Variants in BYSL observed in about 807,000 individuals in gnomAD.
The protein encoded by BYSL is bystin.
In BYSL, 21 loss-of-function variants were observed where a neutral mutation model predicts 45.4. The ratio of observed to expected loss-of-function variants is 0.46; its 90% CI spans 0.33 to 0.67. The LOEUF (loss-of-function observed/expected upper bound fraction) is 0.67. Ranked by LOEUF, BYSL falls within the 30% of genes least tolerant of loss-of-function variation. BYSL has a pLI of 0.02. For missense variants in BYSL, 522 were observed against 578.5 expected (o/e 0.90, Z 1.00); for synonymous variants, 215 against 231.3 (o/e 0.93, Z 0.64).
chr6:41,908,894 G>C, the BYSL span: 1 of 282,954 alleles, frequency 3.5e-6, no homozygotes, highest in Non-Finnish European at 6.6e-6. Context: ...TTAAATTGAG[G>C]ACTGGAGGCC....
intron 2 of BYSL, among the ~76,000 whole-genome samples, chr6:41,928,629 A>G (rs1201891775): frequency 1.3e-5 from 2 of 152,218 alleles, no homozygotes; most frequent in Non-Finnish European, 2.9e-5. Context: ...GTCGTAAGAA[A>G]TGATAGCTGG....
At chr6:41,924,175 C>T (rs968460935) in intron 1 of BYSL, among the ~76,000 whole-genome samples, 2 of 151,956 alleles carry the variant, frequency 1.3e-5, no homozygotes, top group Non-Finnish European at 2.9e-5. Flanking sequence ...ATTCTCCTGC[C>T]TCAGCCTCCC....
In BYSL at chr6:41,927,502, A is replaced by G; in HGVS notation, c.397A>G (p.Ile133Val). The G allele has an allele frequency of 5.6e-6, 9 of 1,614,108 alleles. No homozygotes were observed. The highest frequency in any genetic ancestry group is 2.2e-5 in the East Asian group (1 of 44,884). Reference protein sequence around the residue: ...VVVDPEDERAIEMFMNKNPPA... With the variant: ...VVVDPEDERAVEMFMNKNPPA... Reference sequence around the variant, plus strand: ...TGTGGACCCTGAGGATGAGCGTGCCATAGAGATGTTCATGAACAAGAACCC... The same window carrying G: ...TGTGGACCCTGAGGATGAGCGTGCCGTAGAGATGTTCATGAACAAGAACCC... The change falls in exon 2 of 7, where the codon ATA (isoleucine) becomes GTA (valine). Residue 133 changes from isoleucine (I) to valine (V), a missense_variant. Coordinates refer to ENST00000230340, the MANE Select transcript of BYSL (RefSeq NM_004053.4).
At chr6:41,909,551 T>G in the BYSL span, 10 of 1,606,524 alleles carry the variant, frequency 6.2e-6, no homozygotes, top group Non-Finnish European at 8.5e-6. Context: ...CTATTCATCA[T>G]CAAGACTTTC....
chr6:41,916,766 A>G (rs201541518), upstream of BYSL: 1 of 1,613,808 alleles, frequency 6.2e-7, no homozygotes, highest in Non-Finnish European at 8.5e-7. Flanking sequence ...CAGCCATCCT[A>G]CAGACCCATC....
chr6:41,915,592 C>T, the BYSL span, among the ~76,000 whole-genome samples: 1 of 152,176 alleles, frequency 6.6e-6, no homozygotes, highest in Non-Finnish European at 1.5e-5. Context: ...TCAAGACCAT[C>T]CTGGCTAACA....
upstream of BYSL, among the ~76,000 whole-genome samples, chr6:41,916,500 A>C (rs969488148): frequency 3.3e-5 from 5 of 151,952 alleles, no homozygotes; most frequent in African/African-American, 4.8e-5. Flanking sequence ...GAATCACTTG[A>C]ACCTGGGAGG....
rs562180008 is a variant in BYSL at position 41,931,239 on chromosome 6, G to A, written c.705-157G>A. The stretch of plus-strand genomic sequence containing the variant: ...TCCTATTCTCTCTCTAAGCTGATGG[G>A]TGTTGCATGCACACAGCTCCCACAC... On this transcript the variant is annotated intron_variant, in intron 4 of 6. Coordinates refer to ENST00000230340, the MANE Select transcript of BYSL (RefSeq NM_004053.4). Among the ~76,000 whole-genome samples the A allele has an allele frequency of 2.0e-5, 3 of 151,778 alleles. No homozygotes were observed. In the South Asian group the frequency reaches 6.2e-4, roughly 32 times the overall value.
At chr6:41,922,246 T>C (rs1042310759) in intron 1 of BYSL, among the ~76,000 whole-genome samples, 32 of 152,332 alleles carry the variant, frequency 2.1e-4, no homozygotes, top group African/African-American at 7.7e-4. Context: ...GAATAATATA[T>C]TTCCATGATA....
chr6:41,927,343 G>C, intron 1 of BYSL, 31 bp from the exon 2 acceptor site: 2 of 1,611,472 alleles, frequency 1.2e-6, no homozygotes, highest in Non-Finnish European at 1.7e-6. Context: ...ACCTTTTGCT[G>C]TGCTCATCCA....
intron 1 of BYSL, among the ~76,000 whole-genome samples, chr6:41,924,719 G>A (rs56215622): frequency 0.19 from 28,259 of 152,102 alleles, 3,206 homozygotes; most frequent in East Asian, 0.29. Flanking sequence ...TAAGGACAGG[G>A]CTGATCAAAT....
chr6:41,917,826 T>C (rs1775354882), upstream of BYSL: 1 of 469,608 alleles, frequency 2.1e-6, no homozygotes, highest in Non-Finnish European at 4.4e-6. Flanking sequence ...TTCAGCACAG[T>C]AGCCCAGAGC....
At chr6:41,930,090 C>A (rs1263199885) in intron 2 of BYSL, 42 bp from the exon 3 acceptor site, 1 of 1,611,796 alleles carries the variant, frequency 6.2e-7, no homozygotes, top group South Asian at 1.1e-5. Context: ...CACAGTGCTC[C>A]TTGCCCCCTC....
chr6:41,931,326 G>T, intron 4 of BYSL, 70 bp from the exon 5 acceptor site: 1 of 1,555,170 alleles, frequency 6.4e-7, no homozygotes, highest in South Asian at 1.1e-5. Flanking sequence ...CACTATCCAT[G>T]GTGATATTTA....
In BYSL at chr6:41,931,744, G is replaced by A. The variant is rs369562083; in HGVS notation, c.882G>A (p.Leu294=). The A allele has an allele frequency of 6.2e-7, 1 of 1,614,122 alleles. No individual in the cohort carries two copies. The highest frequency in any genetic ancestry group is 8.5e-7 in the Non-Finnish European group (1 of 1,180,010). ...GAWFKGILIP[L]CESGTCTLRE... ...TCTCCCTAGGGATCCTGATTCCACT[G>A]TGCGAGTCTGGCACTTGTACCCTCC... is the stretch of plus-strand genomic sequence containing the variant. Residue 294 remains leucine (L), a synonymous_variant, in exon 6 of 7, where the codon CTG becomes CTA. Transcript: ENST00000230340.
At chr6:41,930,352 T>C in intron 3 of BYSL, 82 bp downstream of exon 3, 1 of 1,527,524 alleles carries the variant, frequency 6.5e-7, no homozygotes, top group Non-Finnish European at 8.8e-7. Context: ...GCCTTTTGCC[T>C]GCATCACATA....
chr6:41,932,673 C>T lies in BYSL; in HGVS notation c.1281C>T (p.Arg427=), dbSNP rs1477505552. ...GTGAGCTTCAGAGTGCAGTCCCCCGCGATGTGGAAGATGTTCCCATCACCG... is the reference window on the plus strand; with the variant it reads ...GTGAGCTTCAGAGTGCAGTCCCCCGTGATGTGGAAGATGTTCCCATCACCG... ...IRRELQSAVP[R]DVEDVPITVE is the part of the protein sequence containing the mutation. The change falls in exon 7 of 7, where the codon CGC becomes CGT. Residue 427 remains arginine, a synonymous_variant. Transcript: ENST00000230340. This position sits in a 1 kb window ranked among gnomAD's most constrained non-coding sequence, Gnocchi z 4.7. 3.1e-6 allele frequency: 5 copies of T among 1,612,766 alleles called. No homozygotes were observed. Among genetic ancestry groups the T allele is most frequent in the South Asian group, 2.2e-5 (2 of 91,056 alleles).
chr6:41,915,576 AG>A, the BYSL span, among the ~76,000 whole-genome samples: 1 of 152,282 alleles, frequency 6.6e-6, no homozygotes, highest in Admixed American at 6.5e-5. Flanking sequence ...TCACAAGGTC[AG>A]GAGATCAAGA....
intron 2 of BYSL, 133 bp from the exon 3 acceptor site, chr6:41,929,999 A>C (rs918227271): frequency 1.7e-6 from 2 of 1,200,124 alleles, no homozygotes; most frequent in African/African-American, 3.0e-5. Context: ...AGAGAACTCT[A>C]AGCTGCATAT....
Sources: gnomAD v4.1 joint callset for allele counts (sites outside exome capture counted in the v4.1 genomes callset) on GRCh38, gnomAD v4.1.1 for gene constraint, Gnocchi (gnomAD v3.1) non-coding constraint, MANE v1.5 for transcripts, NCBI Gene and HGNC (gene_info 2026-07-23, HGNC 2026-07-21) for gene names.